COL4A1: variants seen among roughly 807,000 people sequenced by gnomAD.
COL4A1 encodes collagen alpha-1(IV) chain.
COL4A1 carries 40 observed loss-of-function variants against 216.6 expected under a neutral mutation model. That is an observed-to-expected ratio of 0.18 (90% CI 0.14 to 0.24). COL4A1 has a LOEUF of 0.24. COL4A1 is among the 10% of genes least tolerant of loss of function. The pLI is 1.00. For missense variants in COL4A1, 1,628 were observed against 2,196.8 expected (o/e 0.74, Z 5.18); for synonymous variants, 839 against 810.7 (o/e 1.03, Z -0.59).
chr13:110,156,293 T>C (rs1045643138), intron 49 of COL4A1, among the ~76,000 whole-genome samples: 1 of 152,218 alleles, frequency 6.6e-6, no homozygotes, highest in Non-Finnish European at 1.5e-5. Flanking sequence ...GCTGGTGAAA[T>C]CCAAGAGCTA....
At chr13:110,153,759 C>T (rs572512473) in intron 50 of COL4A1, among the ~76,000 whole-genome samples, 1 of 152,286 alleles carries the variant, frequency 6.6e-6, no homozygotes, top group Admixed American at 6.5e-5. Flanking sequence ...GCAAATCATA[C>T]AATCAAACTT....
chr13:110,253,795 A>G (rs1882379575), intron 1 of COL4A1, among the ~76,000 whole-genome samples: 1 of 73,658 alleles, frequency 1.4e-5, no homozygotes, highest in East Asian at 3.3e-4. Context: ...GTATAATTAT[A>G]CGTATATATG....
chr13:110,179,127 G>T, intron 30 of COL4A1, 91 bp from the exon 31 acceptor site: 1 of 1,532,348 alleles, frequency 6.5e-7, no homozygotes, highest in South Asian at 1.1e-5. Context: ...CCCCAGCAAC[G>T]GAAAGCCACG....
chr13:110,278,541 TTA>T (rs141897936), intron 1 of COL4A1, among the ~76,000 whole-genome samples: 1 of 152,056 alleles, frequency 6.6e-6, no homozygotes, highest in Admixed American at 6.6e-5. Context: ...CTTCTAATCA[TTA>T]TATATATATA....
chr13:110,182,288 G>T (rs968350843), intron 28 of COL4A1, among the ~76,000 whole-genome samples: 10 of 152,210 alleles, frequency 6.6e-5, no homozygotes, highest in African/African-American at 2.4e-4. Flanking sequence ...CAGCAGTGAG[G>T]GTGGATGGGG....
Position 110,232,997 on chromosome 13 carries a change from A to T in COL4A1, c.144+9678T>A, listed in dbSNP as rs551517471. 6.6e-5 allele frequency among the ~76,000 whole-genome samples: 10 copies of T among 152,310 alleles called. No homozygotes were observed. The South Asian group carries it at 2.1e-3, about 32-fold the overall frequency. The stretch of plus-strand genomic sequence containing the variant: ...TGCAGCTCACTCTCCCTGTTCGGGA[A>T]CGGGATGTGTGTGTATCAGTGACGT... On this transcript the variant is annotated intron_variant, in intron 2 of 51. Transcript: ENST00000375820.
intron 18 of COL4A1, among the ~76,000 whole-genome samples, chr13:110,203,333 A>G (rs534849370): frequency 6.6e-6 from 1 of 152,302 alleles, no homozygotes; most frequent in African/African-American, 2.4e-5. Context: ...TAAACACGAA[A>G]CTCCGTACAA....
rs9301437 is a variant in COL4A1 at position 110,226,322 on chromosome 13, C to T, written c.145-12307G>A. ...CAGGCAGTTCAAGCATAGAACATTC[C>T]ATTTATTCTGTCAGGTCAGCCTGGG... On this transcript the variant is annotated intron_variant, in intron 2 of 51. Transcript: ENST00000375820. Among the ~76,000 whole-genome samples, 1,022 of 152,256 alleles carry T rather than the reference C, an allele frequency of 6.7e-3. 14 individuals are homozygous for T. Among genetic ancestry groups the T allele is most frequent in the African/African-American group, 0.022 (912 of 41,552 alleles).
chr13:110,161,069 C>T, intron 49 of COL4A1, 123 bp downstream of exon 49: 1 of 1,067,252 alleles, frequency 9.4e-7, no homozygotes, highest in South Asian at 1.4e-5. Context: ...TCGAATATCA[C>T]AAATAATAAG....
rs890157020 is a variant in COL4A1, at chr13:110,219,934, A to T, written c.145-5919T>A. On this transcript the variant is annotated intron_variant, in intron 2 of 51. Coordinates refer to ENST00000375820, the MANE Select transcript of COL4A1 (RefSeq NM_001845.6). ...TATGTGTGTATATATATGTATGTAT[A>T]TGTGTGTGTATATATACACATACAT... 4.6e-5 allele frequency among the ~76,000 whole-genome samples: 5 copies of T among 109,872 alleles called. No homozygotes were observed. The South Asian group carries it at 1.5e-3, about 34-fold the overall frequency. The allele number at this position is 109,872 out of a possible 152,430, so 72.1% of individuals were successfully genotyped here. A position where few individuals can be genotyped will look rare whatever the true frequency, so the allele number is the denominator to read the frequency against.
intron 1 of COL4A1, among the ~76,000 whole-genome samples, chr13:110,301,699 C>T (rs1350379607): frequency 6.6e-6 from 1 of 152,120 alleles, no homozygotes; most frequent in South Asian, 2.1e-4. Context: ...TGCGTGCTAG[C>T]CGAGGGAAGA....
intron 1 of COL4A1, among the ~76,000 whole-genome samples, chr13:110,254,820 T>C (rs1882439305): frequency 6.6e-6 from 1 of 152,170 alleles, no homozygotes. Context: ...AAAGCAGACT[T>C]AGGTAAGCCC....
At chr13:110,218,776 A>G (rs984871126) in intron 2 of COL4A1, among the ~76,000 whole-genome samples, 1 of 152,186 alleles carries the variant, frequency 6.6e-6, no homozygotes, top group African/African-American at 2.4e-5. Context: ...TGCGTTCGGG[A>G]CCACGATGGC....
chr13:110,212,527 T>A, intron 5 of COL4A1, 47 bp downstream of exon 5: 1 of 1,614,164 alleles, frequency 6.2e-7, no homozygotes, highest in Non-Finnish European at 8.5e-7. Context: ...AATCGCCTGA[T>A]GGAAGAATAT....
In COL4A1 at chr13:110,167,016, T is replaced by G. The variant is rs560334862; in HGVS notation, c.3949+142A>C. The G allele has an allele frequency of 6.5e-6, 5 of 774,582 alleles. No individual in the cohort carries two copies. In the East Asian group the frequency reaches 1.2e-4, roughly 19 times the overall value. The allele number at this position is 774,582 out of a possible 1,614,324, so 48.0% of individuals were successfully genotyped here. On this transcript the variant is annotated intron_variant, in intron 44 of 51. Coordinates refer to ENST00000375820, the MANE Select transcript of COL4A1 (RefSeq NM_001845.6). ...TACAAATTGGGCTGCCACACAGAAA[T>G]GCCATTTTTAATTTGAAGAGAACAG...
chr13:110,210,956 T>C (rs1452486949), intron 8 of COL4A1, among the ~76,000 whole-genome samples: 1 of 152,150 alleles, frequency 6.6e-6, no homozygotes, highest in South Asian at 2.1e-4. Flanking sequence ...TGAGAACCAA[T>C]GCTTTAGAAG....
Position 110,268,978 on chromosome 13 carries a change from C to T in COL4A1, c.85-26244G>A, listed in dbSNP as rs534096611. ...AGCCGAACCTCCGCGCACCTCCACA[C>T]GCCTTGCAGCACCACGGCCCACCTC... On this transcript the variant is annotated intron_variant, in intron 1 of 51. Transcript: ENST00000375820. This position sits in a 1 kb window ranked among gnomAD's most constrained non-coding sequence, Gnocchi z 4.1. 2.6e-5 allele frequency among the ~76,000 whole-genome samples: 4 copies of T among 152,102 alleles called. No homozygotes were observed. The highest frequency in any genetic ancestry group is 1.3e-4 in the Admixed American group (2 of 15,300).
In COL4A1 at chr13:110,165,941, A is replaced by G. The variant is rs570204952; in HGVS notation, c.4021+291T>C. Reference sequence around the variant, plus strand: ...GTGGTTGATTTCAGGCTAACTTGAGAGCCTTGGGAAGTTTCTGAATTCTGA... The same window carrying G: ...GTGGTTGATTTCAGGCTAACTTGAGGGCCTTGGGAAGTTTCTGAATTCTGA... On this transcript the variant is annotated intron_variant, in intron 45 of 51. Coordinates refer to ENST00000375820, the MANE Select transcript of COL4A1 (RefSeq NM_001845.6). Among the ~76,000 whole-genome samples, 28 of 152,188 alleles carry G rather than the reference A, an allele frequency of 1.8e-4. No individual in the cohort carries two copies. The South Asian group carries it at 5.8e-3, about 32-fold the overall frequency.
chr13:110,212,311 A>T, intron 6 of COL4A1, 106 bp downstream of exon 6: 12 of 1,377,808 alleles, frequency 8.7e-6, no homozygotes, highest in Non-Finnish European at 1.1e-5. Flanking sequence ...CAACTTTCCA[A>T]TTGTGGCAAA....
Sources: allele counts gnomAD v4.1 joint callset (sites outside exome capture counted in the v4.1 genomes callset), GRCh38; gene constraint gnomAD v4.1.1; non-coding constraint Gnocchi (gnomAD v3.1); transcripts MANE v1.5; gene names NCBI Gene and HGNC (gene_info 2026-07-23, HGNC 2026-07-21).